KCNMA1: variants seen among roughly 807,000 people sequenced by gnomAD.
KCNMA1 encodes potassium calcium-activated channel subfamily M alpha 1, also known as Calcium-activated potassium channel subunit alpha-1.
Under a neutral mutation model 140.0 loss-of-function variants are expected in KCNMA1, and 29 were observed. The ratio of observed to expected loss-of-function variants is 0.21; its 90% confidence interval spans 0.15 to 0.28. KCNMA1 has a LOEUF of 0.28. Among genes scored for constraint, KCNMA1 ranks in the 10% least tolerant of loss-of-function variants. The pLI is 1.00. For synonymous variants in KCNMA1, 612 were observed against 611.9 expected (o/e 1.00, Z 0.00); for missense variants, 880 against 1,602.2 (o/e 0.55, Z 7.70).
intron 3 of KCNMA1, among the ~76,000 whole-genome samples, chr10:77,208,163 G>A (rs1019214544): frequency 8.5e-5 from 13 of 152,160 alleles, no homozygotes; most frequent in African/African-American, 3.1e-4. Context: ...TTGTTCTGGT[G>A]GATTTTTGTA....
intron 5 of KCNMA1, among the ~76,000 whole-genome samples, chr10:77,169,946 T>C (rs1326474364): frequency 1.3e-5 from 2 of 152,162 alleles, no homozygotes; most frequent in African/African-American, 4.8e-5. Flanking sequence ...ATCCCAGTAC[T>C]TTGGGAGACC....
chr10:77,400,403 C>G (rs1200616295), intron 2 of KCNMA1, among the ~76,000 whole-genome samples: 1 of 152,174 alleles, frequency 6.6e-6, no homozygotes, highest in Non-Finnish European at 1.5e-5. Context: ...CCTGAGTGGA[C>G]CATGCTTCTA....
At chr10:77,192,348 A>G (rs1295572675) in intron 3 of KCNMA1, among the ~76,000 whole-genome samples, 1 of 152,206 alleles carries the variant, frequency 6.6e-6, no homozygotes, top group Non-Finnish European at 1.5e-5. Flanking sequence ...CTTCAATATT[A>G]TATCTGAACT....
At position 76,945,000 on chromosome 10, in the gene KCNMA1, G is replaced by T. The variant is rs562309396; in HGVS notation, c.2710-35C>A. On this transcript the variant is annotated intron_variant, in intron 22 of 27. Transcript: ENST00000286628. ...AGAGGAAAGAAAAAAAAACAGAGAT[G>T]GGGGGAGAAAGAGACAGAGAGAGAG... is the stretch of plus-strand genomic sequence containing the variant. The T allele has an allele frequency of 1.1e-5, 17 of 1,567,310 alleles. No homozygotes were observed. The South Asian group carries it at 1.2e-4, about 11-fold the overall frequency.
intron 15 of KCNMA1, among the ~76,000 whole-genome samples, chr10:77,028,768 T>C (rs1203058468): frequency 6.6e-6 from 1 of 152,198 alleles, no homozygotes; most frequent in African/African-American, 2.4e-5. Context: ...CTGGACTTGT[T>C]TGGAATTCTC....
At chr10:77,117,539 C>CAAAAAAAA (rs56926398) in intron 6 of KCNMA1, among the ~76,000 whole-genome samples, 42 of 22,496 alleles carry the variant, frequency 1.9e-3, no homozygotes, top group South Asian at 3.3e-3. Context: ...GAGTCTATCT[C>CAAAAAAAA]AAAAAAAAAA....
chr10:76,888,409 A>G (rs977410315), intron 27 of KCNMA1: 1 of 152,170 alleles, frequency 6.6e-6, no homozygotes, highest in African/African-American at 2.4e-5. Flanking sequence ...TATATATATG[A>G]TGTTTTCTTC....
At chr10:77,620,068 G>C (rs2090912694) in intron 1 of KCNMA1, among the ~76,000 whole-genome samples, 1 of 152,228 alleles carries the variant, frequency 6.6e-6, no homozygotes, top group African/African-American at 2.4e-5. Flanking sequence ...AGCAGCTCAA[G>C]AGCAAGGGTG....
At chr10:77,576,043 T>C (rs1384136448) in intron 1 of KCNMA1, among the ~76,000 whole-genome samples, 1 of 152,256 alleles carries the variant, frequency 6.6e-6, no homozygotes, top group African/African-American at 2.4e-5. Flanking sequence ...GAATGGCTCC[T>C]GGCTTGAGAA....
At chr10:77,461,952 G>A (rs1448958368) in intron 1 of KCNMA1, among the ~76,000 whole-genome samples, 1 of 151,998 alleles carries the variant, frequency 6.6e-6, no homozygotes, top group Non-Finnish European at 1.5e-5. Flanking sequence ...CTGACTATGG[G>A]GCTTCACAGA....
At chr10:77,368,901 C>A (rs2094519855) in intron 2 of KCNMA1, among the ~76,000 whole-genome samples, 1 of 152,196 alleles carries the variant, frequency 6.6e-6, no homozygotes. Context: ...ATGTGTCTAT[C>A]CCTTTGCCAA....
intron 1 of KCNMA1, chr10:77,493,682 G>A (rs2040764955): frequency 6.6e-6 from 1 of 152,280 alleles, no homozygotes; most frequent in Admixed American, 6.5e-5. Context: ...ACCCAGCACG[G>A]GGAGCCGTGC....
intron 19 of KCNMA1, among the ~76,000 whole-genome samples, chr10:76,979,270 G>C (rs943250748): frequency 7.2e-5 from 11 of 152,224 alleles, no homozygotes; most frequent in Non-Finnish European, 1.5e-4. Context: ...GTGGAGAAAA[G>C]ATCATGCTGC....
intron 16 of KCNMA1, chr10:77,019,393 A>C: frequency 2.9e-6 from 1 of 350,350 alleles, no homozygotes; most frequent in Non-Finnish European, 5.3e-6. Context: ...AGCTGCCATC[A>C]TGGGCACATG....
rs4979899 is a variant in KCNMA1, at chr10:77,617,830, G to A, written c.378+19435C>T. 6.5e-3 allele frequency among the ~76,000 whole-genome samples: 990 copies of A among 152,274 alleles called. 14 individuals carry two copies. Among genetic ancestry groups the A allele is most frequent in the African/African-American group, 0.021 (884 of 41,556 alleles). Reference sequence around the variant, plus strand: ...CCAGTAAACATTCAGTTTTCTCATTGGGTCATGATAATGGTTCTGGCAGAG... The same window carrying A: ...CCAGTAAACATTCAGTTTTCTCATTAGGTCATGATAATGGTTCTGGCAGAG... On this transcript the variant is annotated intron_variant, in intron 1 of 27. Coordinates refer to ENST00000286628, the MANE Select transcript of KCNMA1 (RefSeq NM_001161352.2).
rs2063458942 is a variant in KCNMA1, at chr10:76,944,679, G to A, written c.2902+94C>T. 4.2e-6 allele frequency: 5 copies of A among 1,197,070 alleles called. No individual in the cohort carries two copies. In the Admixed American group the frequency reaches 6.9e-5, roughly 17 times the overall value. The allele number at this position is 1,197,070 out of a possible 1,614,324, so 74.2% of individuals were successfully genotyped here. On this transcript the variant is annotated intron_variant, in intron 23 of 27. Coordinates refer to ENST00000286628, the MANE Select transcript of KCNMA1 (RefSeq NM_001161352.2). ...AGGTTTCACTGCCAGGCAGGCTGATGTGAGCCTCTTTGAATTACTGAGTGA... is the reference window on the plus strand; with the variant it reads ...AGGTTTCACTGCCAGGCAGGCTGATATGAGCCTCTTTGAATTACTGAGTGA...
At chr10:77,453,364 T>TATAAATAA (rs143343288) in intron 1 of KCNMA1, among the ~76,000 whole-genome samples, 2 of 145,012 alleles carry the variant, frequency 1.4e-5, no homozygotes, top group East Asian at 1.9e-4. Flanking sequence ...AATAAATAAA[T>TATAAATAA]ATAAATAAAT....
chr10:77,058,842 A>G (rs2095637846), intron 14 of KCNMA1, among the ~76,000 whole-genome samples: 1 of 152,028 alleles, frequency 6.6e-6, no homozygotes, highest in Non-Finnish European at 1.5e-5. Flanking sequence ...TCATCTTAAG[A>G]AGAAACTAGA....
At chr10:76,928,718 G>T (rs1327576346) in intron 23 of KCNMA1, among the ~76,000 whole-genome samples, 1 of 152,072 alleles carries the variant, frequency 6.6e-6, no homozygotes, top group African/African-American at 2.4e-5. Context: ...TGCAATCAAA[G>T]ACAATAACAC....
Sources: gnomAD v4.1 joint callset for allele counts (sites outside exome capture counted in the v4.1 genomes callset) on GRCh38, gnomAD v4.1.1 for gene constraint, MANE v1.5 for transcripts, NCBI Gene and HGNC (gene_info 2026-07-23, HGNC 2026-07-21) for gene names.